TECPR1: variants seen among roughly 807,000 people sequenced by gnomAD.
TECPR1 encodes tectonin beta-propeller repeat containing 1.
TECPR1 carries 122 observed loss-of-function variants against 162.4 expected under a neutral mutation model. The observed-to-expected ratio is 0.75, with a 90% CI of 0.65 to 0.87. TECPR1 has a LOEUF of 0.87. Among genes scored for constraint, TECPR1 ranks in the 40% least tolerant of loss-of-function variants. The pLI is 0.00. For synonymous variants in TECPR1, 642 were observed against 670.6 expected, an observed-to-expected ratio of 0.96 and a Z score of 0.66; for missense variants, 1,432 against 1,618.2, an observed-to-expected ratio of 0.88 and a Z score of 1.97.
At position 98,231,714 on chromosome 7, in the gene TECPR1, C is replaced by T. The variant is rs1420925836; in HGVS notation, c.1974+90G>A. On this transcript the variant is annotated intron_variant, in intron 13 of 25. Transcript: ENST00000447648. ...GGGCACCCTCATTTCTGTACCCCTC[C>T]CCTGGGCACCCCCATTTCTGTACCC... is the stretch of plus-strand genomic sequence containing the variant. 2.0e-6 allele frequency: 3 copies of T among 1,493,072 alleles called. No homozygotes were observed. The African/African-American group carries it at 4.2e-5, about 21-fold the overall frequency. 92.5% of individuals were successfully genotyped at this position (1,493,072 alleles called of 1,614,324 possible).
intron 23 of TECPR1, among the ~76,000 whole-genome samples, chr7:98,219,603 C>G (rs903222647): frequency 6.6e-6 from 1 of 152,160 alleles, no homozygotes; most frequent in Non-Finnish European, 1.5e-5. Context: ...ATAGACATTT[C>G]TCAAAAGAAG....
At chr7:98,221,844 G>A in intron 22 of TECPR1, 91 bp from the exon 23 acceptor site, 2 of 981,696 alleles carry the variant, frequency 2.0e-6, no homozygotes, top group South Asian at 1.5e-5. Context: ...GCTGCCTCTC[G>A]GATGTGTAGC....
Position 98,224,865 on chromosome 7 carries a change from C to A in TECPR1, c.2626G>T (p.Val876Leu), listed in dbSNP as rs773427094. Residue 876 changes from valine to leucine, a missense_variant, in exon 19 of 26, where the codon GTG (valine) becomes TTG (leucine). By Grantham distance (32) the Val-to-Leu change is conservative. Transcript: ENST00000447648. ...GTGCCCCCCGGAACGCTGAAATCCA[C>A]GAACCAGTCGGAAACCTGGGAGGAG... is the stretch of plus-strand genomic sequence containing the variant. ...LQWAWVSDWFVDFSVPGGTDQ... is the reference protein window; with the variant it reads ...LQWAWVSDWFLDFSVPGGTDQ... The A allele has an allele frequency of 2.8e-5, 44 of 1,564,952 alleles. No homozygotes were observed. In the Admixed American group the frequency reaches 6.1e-4, roughly 22 times the overall value.
intron 23 of TECPR1, among the ~76,000 whole-genome samples, chr7:98,220,849 CTTGG>C (rs1798123757): frequency 6.6e-6 from 1 of 151,838 alleles, no homozygotes; most frequent in African/African-American, 2.4e-5. Context: ...AGCCACCGCG[CTTGG>C]CCTAATTTTT....
intron 8 of TECPR1, among the ~76,000 whole-genome samples, chr7:98,239,887 G>A (rs2116606296): frequency 6.6e-6 from 1 of 152,216 alleles, no homozygotes; most frequent in South Asian, 2.1e-4. Context: ...GAGGCGGGCG[G>A]ATCATGAGGT....
At chr7:98,228,774 C>A in intron 16 of TECPR1, 1 of 426,228 alleles carries the variant, frequency 2.3e-6, no homozygotes, top group Non-Finnish European at 4.2e-6. Context: ...AGGAACCCAC[C>A]TAACACCCTG....
At chr7:98,225,568 A>G (rs986813538) in intron 17 of TECPR1, among the ~76,000 whole-genome samples, 3 of 149,600 alleles carry the variant, frequency 2.0e-5, no homozygotes, top group Non-Finnish European at 4.4e-5. Context: ...GGGAGGGGGG[A>G]AAATTTGGAC....
At chr7:98,220,599 C>T (rs955786843) in intron 23 of TECPR1, among the ~76,000 whole-genome samples, 12 of 151,494 alleles carry the variant, frequency 7.9e-5, no homozygotes, top group African/African-American at 2.9e-4. Flanking sequence ...CGCTCTGTCA[C>T]CCAGGCTGGA....
chr7:98,231,183 C>A (rs767097267), intron 14 of TECPR1, 41 bp downstream of exon 14: 3 of 1,608,846 alleles, frequency 1.9e-6, no homozygotes, highest in Non-Finnish European at 2.5e-6. Context: ...CCCACCATGG[C>A]TATCCCTCCC....
At position 98,223,149 on chromosome 7, in the gene TECPR1, A is replaced by G; in HGVS notation, c.2769T>C (p.Ser923=). 1 of 1,602,804 alleles carries G rather than the reference A, an allele frequency of 6.2e-7. No homozygotes were observed. The highest frequency in any genetic ancestry group is 8.5e-7 in the Non-Finnish European group (1 of 1,175,396). ...TGGGGGGCACCTCCAGCCAGGGCCC[A>G]CTGGTCACCAGCTTGCATTTTCTGT... is the stretch of plus-strand genomic sequence containing the variant. ...CWARKCKLVT[S]GPWLEVPPIA... is the part of the protein sequence containing the mutation. Residue 923 remains serine, a synonymous_variant, in exon 21 of 26, where the codon AGT becomes AGC. Transcript: ENST00000447648.
At chr7:98,245,475 A>T (rs1416371638) in intron 3 of TECPR1, among the ~76,000 whole-genome samples, 1 of 151,298 alleles carries the variant, frequency 6.6e-6, no homozygotes, top group Non-Finnish European at 1.5e-5. Flanking sequence ...TTTTTTTTGG[A>T]GGGGCGGGGT....
rs934811099 is a variant in TECPR1 at position 98,232,666 on chromosome 7, C to T, written c.1818+161G>A. Among the ~76,000 whole-genome samples the T allele has an allele frequency of 2.0e-5, 3 of 151,794 alleles. No homozygotes were observed. Among genetic ancestry groups the T allele is most frequent in the South Asian group, 2.1e-4 (1 of 4,808 alleles). On this transcript the variant is annotated intron_variant, in intron 12 of 25. Transcript: ENST00000447648. This position sits in a 1 kb window ranked among gnomAD's most constrained non-coding sequence, Gnocchi z 4.6. Reference sequence around the variant, plus strand: ...CCCAAACCAAAGTCTTCAGGATGGACGAAGAAACCCTGAGCTCATTTCTCT... The same window carrying T: ...CCCAAACCAAAGTCTTCAGGATGGATGAAGAAACCCTGAGCTCATTTCTCT...
intron 17 of TECPR1, among the ~76,000 whole-genome samples, chr7:98,227,753 C>A (rs562395424): frequency 7.3e-6 from 1 of 136,374 alleles, no homozygotes; most frequent in Non-Finnish European, 1.5e-5. Context: ...ACCCAGGAGG[C>A]GGAGGTTGCA....
Position 98,233,413 on chromosome 7 carries a change from G to A in TECPR1, c.1672+8C>T. The A allele has an allele frequency of 1.4e-6, 2 of 1,433,148 alleles. No individual in the cohort carries two copies. Among genetic ancestry groups the A allele is most frequent in the East Asian group, 2.6e-5 (1 of 38,396 alleles). 88.8% of individuals were successfully genotyped at this position (1,433,148 alleles called of 1,614,324 possible). The stretch of plus-strand genomic sequence containing the variant: ...GTGGATGCCCCCAGGCCCTGCAGGA[G>A]CCCTTACCCGCCTGGACAGTGAACC... On this transcript the variant is annotated splice_region_variant and intron_variant, in intron 11 of 25. Coordinates refer to ENST00000447648, the MANE Select transcript of TECPR1 (RefSeq NM_015395.3).
At chr7:98,220,249 C>A (rs1479416627) in intron 23 of TECPR1, among the ~76,000 whole-genome samples, 2 of 149,086 alleles carry the variant, frequency 1.3e-5, no homozygotes, top group Non-Finnish European at 3.0e-5. Context: ...GAGGCTGAGA[C>A]AGAAGAATCG....
chr7:98,238,427 CG>C (rs1385872002), intron 9 of TECPR1, 81 bp downstream of exon 9: 1 of 1,133,684 alleles, frequency 8.8e-7, no homozygotes, highest in East Asian at 2.6e-5. Context: ...CAGTGGGAAG[CG>C]GCCACTAGGC....
At chr7:98,246,875 G>T (rs923687014) in intron 2 of TECPR1, among the ~76,000 whole-genome samples, 1 of 151,902 alleles carries the variant, frequency 6.6e-6, no homozygotes, top group Non-Finnish European at 1.5e-5. Context: ...GAGCCACCAC[G>T]CCCGGTCTCT....
chr7:98,244,295 T>A (rs1234412801), intron 5 of TECPR1, among the ~76,000 whole-genome samples: 1 of 152,222 alleles, frequency 6.6e-6, no homozygotes, highest in Non-Finnish European at 1.5e-5. Context: ...AAGTGCCAGA[T>A]GGAGGCTCAG....
chr7:98,232,594 C>T lies in TECPR1; in HGVS notation c.1818+233G>A, dbSNP rs1036037696. Among the ~76,000 whole-genome samples, 3 of 151,130 alleles carry T rather than the reference C, an allele frequency of 2.0e-5. No individual in the cohort carries two copies. Among genetic ancestry groups the T allele is most frequent in the African/African-American group, 4.9e-5 (2 of 41,220 alleles). On this transcript the variant is annotated intron_variant, in intron 12 of 25. Transcript: ENST00000447648. This position sits in a 1 kb window ranked among gnomAD's most constrained non-coding sequence, Gnocchi z 4.6. Reference sequence around the variant, plus strand: ...ACCCACCACCCTCTGAGGTTGCTGCCGTCTCTGGGTCCCCAGGGCCTCCAA... The same window carrying T: ...ACCCACCACCCTCTGAGGTTGCTGCTGTCTCTGGGTCCCCAGGGCCTCCAA...
Sources: allele counts gnomAD v4.1 joint callset (sites outside exome capture counted in the v4.1 genomes callset), GRCh38; gene constraint gnomAD v4.1.1; non-coding constraint Gnocchi (gnomAD v3.1); transcripts MANE v1.5; gene names NCBI Gene and HGNC (gene_info 2026-07-23, HGNC 2026-07-21).